SLC30A6: variants seen among roughly 807,000 people sequenced by gnomAD.
The protein encoded by SLC30A6 is solute carrier family 30 member 6, also known as zinc transporter 6.
SLC30A6 carries 55 observed loss-of-function variants against 63.0 expected under a neutral mutation model. The ratio of observed to expected loss-of-function variants is 0.87; its 90% CI spans 0.70 to 1.09. The LOEUF (loss-of-function observed/expected upper bound fraction) is 1.09. Ranked by LOEUF, SLC30A6 falls within the 50% of genes least tolerant of loss-of-function variation. SLC30A6 has a pLI of 0.00. For synonymous variants in SLC30A6, 224 were observed against 186.1 expected, an observed-to-expected ratio of 1.20 and a Z score of -1.66; for missense variants, 587 against 549.2, an observed-to-expected ratio of 1.07 and a Z score of -0.69.
At chr2:32,218,520 C>G (rs1039479899) in intron 13 of SLC30A6, among the ~76,000 whole-genome samples, 30 of 143,210 alleles carry the variant, frequency 2.1e-4, no homozygotes, top group East Asian at 8.3e-4. Context: ...CAGCTCTCCT[C>G]TTTTGTTTTG....
chr2:32,189,052 A>T (rs894609934), intron 5 of SLC30A6, among the ~76,000 whole-genome samples: 2 of 152,166 alleles, frequency 1.3e-5, no homozygotes, highest in African/African-American at 4.8e-5. Context: ...AGCTATTATA[A>T]ATAAAACTAC....
intron 13 of SLC30A6, among the ~76,000 whole-genome samples, chr2:32,214,111 A>G (rs1685504050): frequency 6.6e-6 from 1 of 151,874 alleles, no homozygotes; most frequent in African/African-American, 2.4e-5. Flanking sequence ...AATTTTTTGT[A>G]TTTTTAGTAG....
rs190622739 is a variant in SLC30A6 at position 32,180,567 on chromosome 2, G to T, written c.219-3706G>T. 9.3e-3 allele frequency among the ~76,000 whole-genome samples: 1,413 copies of T among 152,112 alleles called. 26 individuals are homozygous for T. Among genetic ancestry groups the T allele is most frequent in the South Asian group, 0.048 (231 of 4,806 alleles). The stretch of plus-strand genomic sequence containing the variant: ...CCTGTCTTAGCCGCCCGAGTAGCTG[G>T]GATTACAGGCACCCACCACCATGCC... On this transcript the variant is annotated intron_variant, in intron 4 of 13. Transcript: ENST00000282587.
At chr2:32,205,278 G>A (rs915220499) in intron 11 of SLC30A6, among the ~76,000 whole-genome samples, 4 of 152,064 alleles carry the variant, frequency 2.6e-5, no homozygotes, top group African/African-American at 9.7e-5. Context: ...AAAATTAGCT[G>A]GGCGTGGTGG....
chr2:32,176,563 C>T (rs1681761221), intron 4 of SLC30A6, among the ~76,000 whole-genome samples: 1 of 150,622 alleles, frequency 6.6e-6, no homozygotes, highest in Non-Finnish European at 1.5e-5. Flanking sequence ...GAGGCTGAGG[C>T]AGGACAATTG....
chr2:32,171,219 A>G lies in SLC30A6; in HGVS notation c.4-68A>G. ...TTATTTATATCATAGGAACCACTATATCATATCATAGGAACTCTGAAGATG... is the reference window on the plus strand; with the variant it reads ...TTATTTATATCATAGGAACCACTATGTCATATCATAGGAACTCTGAAGATG... On this transcript the variant is annotated intron_variant, in intron 1 of 13. Transcript: ENST00000282587. The G allele has an allele frequency of 4.6e-6, 6 of 1,313,900 alleles. No homozygotes were observed. In the South Asian group the frequency reaches 4.8e-5, roughly 11 times the overall value. The allele number at this position is 1,313,900 out of a possible 1,614,324, so 81.4% of individuals were successfully genotyped here.
intron 4 of SLC30A6, among the ~76,000 whole-genome samples, chr2:32,179,877 A>T (rs776206477): frequency 2.9e-4 from 44 of 152,332 alleles, no homozygotes; most frequent in Middle Eastern, 3.4e-3. Flanking sequence ...AGACAAGTTT[A>T]AAATCTTCCC....
chr2:32,206,915 G>A lies in SLC30A6; in HGVS notation c.798G>A (p.Leu266=), dbSNP rs1271399967. ...CACCACCCCATGTTATTGGTCAGTT[G>A]GACAAACTCATCAGAGAGGTAAGAT... is the stretch of plus-strand genomic sequence containing the variant. ...QTTPPHVIGQ[L]DKLIREVSTL... Residue 266 remains leucine, a synonymous_variant, in exon 12 of 14, where the codon TTG becomes TTA. Coordinates refer to ENST00000282587, the MANE Select transcript of SLC30A6 (RefSeq NM_017964.5). The A allele has an allele frequency of 1.2e-6, 2 of 1,609,674 alleles. No homozygotes were observed. The highest frequency in any genetic ancestry group is 3.3e-5 in the Admixed American group (2 of 59,948).
In SLC30A6 at chr2:32,207,692, A is replaced by ATTT. The variant is rs34666891; in HGVS notation, c.816+781_816+783dup. 3.0e-3 allele frequency among the ~76,000 whole-genome samples: 163 copies of ATTT among 54,434 alleles called. 28 individuals carry two copies. Among genetic ancestry groups the ATTT allele is most frequent in the African/African-American group, 0.011 (139 of 12,616 alleles). 35.7% of individuals were successfully genotyped at this position (54,434 alleles called of 152,430 possible). A position where few individuals can be genotyped will look rare whatever the true frequency, so the allele number is the denominator to read the frequency against. On this transcript the variant is annotated intron_variant, in intron 12 of 13. Transcript: ENST00000282587. ...CCTGGCCCGCCCAACTAACTTCTGT[A>ATTT]TTTTTTTTTTTTTTTTTTTTTTTTC...
chr2:32,207,259 G>C lies in SLC30A6; in HGVS notation c.816+326G>C, dbSNP rs142438486. ...GACAGTCTTGCTCTGTTGCCAGGCT[G>C]TAGTGCAGTGGCGCAATCTCAGCTC... On this transcript the variant is annotated intron_variant, in intron 12 of 13. Coordinates refer to ENST00000282587, the MANE Select transcript of SLC30A6 (RefSeq NM_017964.5). Among the ~76,000 whole-genome samples the C allele has an allele frequency of 9.3e-3, 1,412 of 151,974 alleles. 21 individuals carry two copies. Among genetic ancestry groups the C allele is most frequent in the African/African-American group, 0.033 (1,351 of 41,458 alleles).
chr2:32,210,183 A>G (rs997053792), intron 13 of SLC30A6, among the ~76,000 whole-genome samples: 1 of 152,172 alleles, frequency 6.6e-6, no homozygotes, highest in African/African-American at 2.4e-5. Flanking sequence ...ACTGCTGTTG[A>G]TATTTTGGTG....
At chr2:32,184,156 A>G (rs530414209) in intron 4 of SLC30A6, 117 bp from the exon 5 acceptor site, 5 of 353,158 alleles carry the variant, frequency 1.4e-5, no homozygotes, top group East Asian at 4.7e-5. Flanking sequence ...ATTTATTATT[A>G]ATTTAGTCTG....
intron 4 of SLC30A6, among the ~76,000 whole-genome samples, chr2:32,176,681 G>A (rs1681775338): frequency 6.6e-6 from 1 of 151,592 alleles, no homozygotes. Flanking sequence ...GCTTTATTGA[G>A]ATACTATAAT....
At chr2:32,197,043 A>T (rs1487423539) in intron 8 of SLC30A6, among the ~76,000 whole-genome samples, 1 of 152,218 alleles carries the variant, frequency 6.6e-6, no homozygotes, top group Non-Finnish European at 1.5e-5. Flanking sequence ...CTGGGCAGAA[A>T]GAGCAAAACT....
Position 32,203,416 on chromosome 2 carries a change from T to C in SLC30A6, c.666-1174T>C, listed in dbSNP as rs1684468611. The C allele has an allele frequency of 4.5e-6, 6 of 1,347,396 alleles. No individual in the cohort carries two copies. The South Asian group carries it at 4.7e-5, about 10-fold the overall frequency. The allele number at this position is 1,347,396 out of a possible 1,614,324, so 83.5% of individuals were successfully genotyped here. ...TAAGGTCTCTGGCTTCTGTTTCTTA[T>C]GCTGCTGTTGATTTTTTCCAACCAT... On this transcript the variant is annotated intron_variant, in intron 10 of 13. Coordinates refer to ENST00000282587, the MANE Select transcript of SLC30A6 (RefSeq NM_017964.5).
intron 10 of SLC30A6, chr2:32,203,593 C>T: frequency 1.9e-6 from 3 of 1,594,090 alleles, no homozygotes; most frequent in Non-Finnish European, 2.6e-6. Flanking sequence ...AGAGGAAATA[C>T]AGGATGTCAG....
intron 13 of SLC30A6, among the ~76,000 whole-genome samples, chr2:32,216,645 G>A (rs977240109): frequency 3.3e-5 from 5 of 151,920 alleles, no homozygotes; most frequent in Non-Finnish European, 5.9e-5. Context: ...GTTTTGATTT[G>A]CATTTCTCTG....
chr2:32,197,351 T>TAC lies in SLC30A6; in HGVS notation c.505_506dup (p.Ser170ArgfsTer30). 1 of 1,613,588 alleles carries TAC rather than the reference T, an allele frequency of 6.2e-7. No individual in the cohort carries two copies. The highest frequency in any genetic ancestry group is 8.5e-7 in the Non-Finnish European group (1 of 1,179,724). ...AGTATTTTCTTCTTAAAGCTGCTAG[T>TAC]ACGAGCTGGCTTCAAGAGCATGTTG... is the stretch of plus-strand genomic sequence containing the variant. On this transcript the variant is annotated frameshift_variant, in exon 9 of 14. Transcript: ENST00000282587. LOFTEE classifies it high-confidence loss of function.
intron 10 of SLC30A6, among the ~76,000 whole-genome samples, chr2:32,204,218 T>TC (rs1558413249): frequency 1.7e-4 from 26 of 151,920 alleles, no homozygotes; most frequent in Admixed American, 3.9e-4. Context: ...TTGTCTCTTT[T>TC]TAAAAAAAAA....
Sources: allele counts gnomAD v4.1 joint callset (sites outside exome capture counted in the v4.1 genomes callset), GRCh38; gene constraint gnomAD v4.1.1; transcripts MANE v1.5; gene names NCBI Gene and HGNC (gene_info 2026-07-23, HGNC 2026-07-21).